Variants in COG2 observed in about 807,000 individuals in gnomAD.
COG2 encodes the protein conserved oligomeric Golgi complex subunit 2.
COG2 carries 52 observed loss-of-function variants against 90.6 expected under a neutral mutation model. The ratio of observed to expected loss-of-function variants is 0.57; its 90% CI spans 0.46 to 0.72. The LOEUF is 0.72. Among genes scored for constraint, COG2 ranks in the 30% least tolerant of loss-of-function variants. The pLI, the probability that COG2 is intolerant of heterozygous loss-of-function variation, is 0.00. For missense variants in COG2, 829 were observed against 891.2 expected, an observed-to-expected ratio of 0.93 and a Z score of 0.89; for synonymous variants, 337 against 320.4, an observed-to-expected ratio of 1.05 and a Z score of -0.55.
chr1:230,674,145 C>T (rs1178218427), intron 8 of COG2, among the ~76,000 whole-genome samples: 2 of 152,142 alleles, frequency 1.3e-5, no homozygotes, highest in African/African-American at 4.8e-5. Flanking sequence ...AAGGAATCTC[C>T]GTTATTTAAC....
intron 2 of COG2, among the ~76,000 whole-genome samples, chr1:230,659,959 G>T (rs1662146504): frequency 6.6e-6 from 1 of 152,216 alleles, no homozygotes; most frequent in Non-Finnish European, 1.5e-5. Context: ...AATATCAACT[G>T]TTCTTAAGGA....
At chr1:230,643,133 G>A (rs4846999) in intron 1 of COG2, 25,611 of 155,888 alleles carry the variant, frequency 0.16, 2,748 homozygotes, top group Admixed American at 0.22. Flanking sequence ...TTAACATTCA[G>A]CTAAAGCTTC....
chr1:230,666,390 G>C (rs1299615803), intron 5 of COG2, among the ~76,000 whole-genome samples: 3 of 152,092 alleles, frequency 2.0e-5, no homozygotes, highest in African/African-American at 7.2e-5. Context: ...AGAGATGTCT[G>C]CCTCCCCCTC....
intron 8 of COG2, among the ~76,000 whole-genome samples, chr1:230,672,138 G>C (rs1461812773): frequency 6.6e-6 from 1 of 152,030 alleles, no homozygotes; most frequent in Non-Finnish European, 1.5e-5. Context: ...GTCATCTGCT[G>C]TCCACAATAA....
intron 15 of COG2, among the ~76,000 whole-genome samples, chr1:230,689,450 T>C (rs558974262): frequency 6.6e-6 from 1 of 152,322 alleles, no homozygotes; most frequent in East Asian, 1.9e-4. Flanking sequence ...GCTAGACACT[T>C]TGCATAGTCT....
At position 230,690,001 on chromosome 1, in the gene COG2, A is replaced by G. The variant is rs1299593614; in HGVS notation, c.1795-13A>G. On this transcript the variant is annotated splice_polypyrimidine_tract_variant and intron_variant, in intron 15 of 17. Coordinates refer to ENST00000366669, the MANE Select transcript of COG2 (RefSeq NM_007357.3). ...TTCCTGTGCATCTTTATCTCCTACC[A>G]TCATCATTCCAGGAGGTCCCAACCA... 6 of 1,571,548 alleles carry G rather than the reference A, an allele frequency of 3.8e-6. No individual in the cohort carries two copies. Among genetic ancestry groups the G allele is most frequent in the Non-Finnish European group, 5.2e-6 (6 of 1,161,674 alleles).
chr1:230,675,078 A>G lies in COG2; in HGVS notation c.980A>G (p.Lys327Arg), dbSNP rs1351078240. The G allele has an allele frequency of 8.1e-6, 13 of 1,612,950 alleles. No homozygotes were observed. In the East Asian group the frequency reaches 2.0e-4, roughly 25 times the overall value. The change falls in exon 9 of 18, where the codon AAG becomes AGG. Residue 327 changes from lysine to arginine, a missense_variant. Transcript: ENST00000366669. ...WPQIVQGLEE[K>R]LPSLFNPGNP... ...CAAATAGTACAAGGATTAGAAGAAAAGTTACCCTCGCTTTTTAATCCTGGG... is the reference window on the plus strand; with the variant it reads ...CAAATAGTACAAGGATTAGAAGAAAGGTTACCCTCGCTTTTTAATCCTGGG...
chr1:230,689,627 A>C (rs144331789), intron 15 of COG2, among the ~76,000 whole-genome samples: 31 of 152,370 alleles, frequency 2.0e-4, no homozygotes, highest in African/African-American at 7.5e-4. Flanking sequence ...GAAAAGCACA[A>C]TCCCAGAACT....
At chr1:230,689,688 G>A (rs1662973721) in intron 15 of COG2, among the ~76,000 whole-genome samples, 1 of 152,214 alleles carries the variant, frequency 6.6e-6, no homozygotes, top group Admixed American at 6.5e-5. Context: ...AGTTTTACGA[G>A]ATCACCAGGT....
At chr1:230,653,353 T>C (rs1486569422) in intron 1 of COG2, among the ~76,000 whole-genome samples, 1 of 151,798 alleles carries the variant, frequency 6.6e-6, no homozygotes, top group Non-Finnish European at 1.5e-5. Context: ...CCCGAGTAAC[T>C]GGGAGTACAG....
At chr1:230,672,870 A>G (rs568778486) in intron 8 of COG2, among the ~76,000 whole-genome samples, 2 of 152,260 alleles carry the variant, frequency 1.3e-5, no homozygotes, top group Admixed American at 6.5e-5. Context: ...AAATGAAAGA[A>G]TTAACTATGT....
intron 7 of COG2, 86 bp from the exon 8 acceptor site, chr1:230,671,428 TAA>T: frequency 8.0e-7 from 1 of 1,243,354 alleles, no homozygotes; most frequent in Non-Finnish European, 1.1e-6. Context: ...AGCAGATTTG[TAA>T]AGTTTTCTTT....
intron 1 of COG2, among the ~76,000 whole-genome samples, chr1:230,650,466 A>AT (rs1424564105): frequency 6.6e-6 from 1 of 151,928 alleles, no homozygotes; most frequent in Non-Finnish European, 1.5e-5. Context: ...TATGTTGGAC[A>AT]TTTTTTCATA....
At chr1:230,669,276 G>A (rs1662390332) in intron 6 of COG2, 80 bp from the exon 7 acceptor site, 1 of 1,309,764 alleles carries the variant, frequency 7.6e-7, no homozygotes, top group Non-Finnish European at 1.1e-6. Flanking sequence ...TGGTGTAAGA[G>A]GCTTGTTATA....
intron 1 of COG2, among the ~76,000 whole-genome samples, chr1:230,657,808 A>G (rs1662099028): frequency 6.6e-6 from 1 of 151,544 alleles, no homozygotes; most frequent in Non-Finnish European, 1.5e-5. Flanking sequence ...ACTTCATTTC[A>G]TTAAGTTGGT....
At chr1:230,688,334 C>CA in intron 14 of COG2, 86 bp from the exon 15 acceptor site, 1 of 1,492,652 alleles carries the variant, frequency 6.7e-7, no homozygotes, top group East Asian at 2.3e-5. Flanking sequence ...TTATAGTACA[C>CA]AATGTAAATG....
chr1:230,674,957 G>A, intron 8 of COG2, 41 bp from the exon 9 acceptor site: 1 of 1,511,592 alleles, frequency 6.6e-7, no homozygotes, highest in Non-Finnish European at 9.0e-7. Flanking sequence ...TTTGTAAGTA[G>A]ATTATGGTAT....
In COG2 at chr1:230,661,057, A is replaced by T. The variant is rs368523586; in HGVS notation, c.300+234A>T. ...TGAATATGACAGATTCTTAGAGTAGACAGCTTTAAAATGTTGGGGGAGGAG... is the reference window on the plus strand; with the variant it reads ...TGAATATGACAGATTCTTAGAGTAGTCAGCTTTAAAATGTTGGGGGAGGAG... On this transcript the variant is annotated intron_variant, in intron 3 of 17. Transcript: ENST00000366669. Among the ~76,000 whole-genome samples, 19 of 152,308 alleles carry T rather than the reference A, an allele frequency of 1.2e-4. No individual in the cohort carries two copies. In the South Asian group the frequency reaches 3.7e-3, roughly 30 times the overall value.
chr1:230,692,120 C>T (rs530788872), intron 17 of COG2, among the ~76,000 whole-genome samples: 3 of 152,038 alleles, frequency 2.0e-5, no homozygotes, highest in African/African-American at 4.8e-5. Context: ...TCATTTTTCA[C>T]TGAGGTGAAA....
Sources: gnomAD v4.1 joint callset for allele counts (sites outside exome capture counted in the v4.1 genomes callset) on GRCh38, gnomAD v4.1.1 for gene constraint, MANE v1.5 for transcripts, NCBI Gene and HGNC (gene_info 2026-07-23, HGNC 2026-07-21) for gene names.